ALG13: variants seen among roughly 807,000 people sequenced by gnomAD.
The protein encoded by ALG13 is UDP-N-acetylglucosamine transferase subunit ALG13.
A neutral mutation model predicts 87.8 loss-of-function variants in ALG13; 11 were observed. That is an observed-to-expected ratio of 0.13 (90% CI 0.08 to 0.21). The LOEUF is 0.21. ALG13 is among the 10% of genes least tolerant of loss of function. The pLI is 1.00. For missense variants in ALG13, 756 were observed against 866.1 expected, an observed-to-expected ratio of 0.87 and a Z score of 1.60; for synonymous variants, 320 against 306.3, an observed-to-expected ratio of 1.04 and a Z score of -0.47.
At chrX:111,708,726 GAA>G (rs1442801670) in intron 4 of ALG13, among the ~76,000 whole-genome samples, 1 of 111,480 alleles carries the variant, frequency 9.0e-6, no homozygotes, top group Non-Finnish European at 1.9e-5. Context: ...TAATGCCTAA[GAA>G]AAAAATTATA....
intron 3 of ALG13, among the ~76,000 whole-genome samples, chrX:111,704,057 C>CT (rs1442154441): frequency 8.1e-5 from 9 of 111,779 alleles, no homozygotes; most frequent in Non-Finnish European, 1.1e-4. Context: ...AGTTAGTATG[C>CT]AGTAGTATCT....
chrX:111,706,466 G>T (rs1464126375), intron 3 of ALG13, among the ~76,000 whole-genome samples: 1 of 112,680 alleles, frequency 8.9e-6, no homozygotes, highest in Non-Finnish European at 1.9e-5. Context: ...CTTTAAAAAA[G>T]AAATTAGTGG....
chrX:111,709,780 A>G (rs1939418234), intron 5 of ALG13, among the ~76,000 whole-genome samples: 1 of 109,048 alleles, frequency 9.2e-6, no homozygotes, highest in South Asian at 3.9e-4. Flanking sequence ...TTTACTCCTA[A>G]TTTTCTCAAC....
At chrX:111,681,615 C>T (rs1357753648) in intron 1 of ALG13, 1 of 936,231 alleles carries the variant, frequency 1.1e-6, no homozygotes, top group East Asian at 5.6e-5. Context: ...CTCCTTCCAA[C>T]GGCTCCGCCC....
At chrX:111,694,585 T>G (rs1936695892) in intron 3 of ALG13, among the ~76,000 whole-genome samples, 1 of 112,179 alleles carries the variant, frequency 8.9e-6, no homozygotes, top group African/African-American at 3.2e-5. Context: ...AGTAAGGCAA[T>G]ACAATATGGT....
At chrX:111,746,731 ATG>A (rs1252470465) in intron 24 of ALG13, among the ~76,000 whole-genome samples, 1 of 112,088 alleles carries the variant, frequency 8.9e-6, no homozygotes, top group Non-Finnish European at 1.9e-5. Flanking sequence ...ATAGAGAGAT[ATG>A]TGTTTACTTT....
chrX:111,733,985 C>T (rs1232355253), intron 21 of ALG13, among the ~76,000 whole-genome samples: 3 of 111,743 alleles, frequency 2.7e-5, no homozygotes, highest in African/African-American at 6.5e-5. Context: ...GTCCTTAGCT[C>T]ACTTTTTGAT....
At chrX:111,757,342 C>A (rs1945349113) in intron 25 of ALG13, 3 of 299,022 alleles carry the variant, frequency 1.0e-5, no homozygotes, top group South Asian at 1.3e-4. Flanking sequence ...GTATACAGGT[C>A]TTTTAGATTA....
chrX:111,688,283 G>T, intron 3 of ALG13: 1 of 749,074 alleles, frequency 1.3e-6, no homozygotes, highest in East Asian at 1.4e-4. Context: ...TCATAAAAAT[G>T]AATGAGATTT....
At chrX:111,748,017 A>G (rs889683612) in intron 24 of ALG13, among the ~76,000 whole-genome samples, 2 of 111,695 alleles carry the variant, frequency 1.8e-5, no homozygotes, top group Non-Finnish European at 3.8e-5. Context: ...ATGATATCTC[A>G]TTGTTTTAAT....
intron 3 of ALG13, among the ~76,000 whole-genome samples, chrX:111,702,324 C>T (rs984009430): frequency 9.0e-6 from 1 of 111,603 alleles, no homozygotes; most frequent in Non-Finnish European, 1.9e-5. Context: ...TCCTTCCTAT[C>T]CTCCTAATTT....
intron 23 of ALG13, chrX:111,743,914 A>C (rs1292777936): frequency 9.0e-6 from 1 of 111,494 alleles, no homozygotes; most frequent in Non-Finnish European, 1.9e-5. Context: ...TGTAAAAAAA[A>C]AAAATTAACA....
chrX:111,719,716 G>A (rs887880467), intron 10 of ALG13, among the ~76,000 whole-genome samples: 2 of 111,798 alleles, frequency 1.8e-5, no homozygotes, highest in Non-Finnish European at 3.8e-5. Context: ...ATAGGACTGA[G>A]AGCTTCAAGT....
At chrX:111,758,960 A>G (rs756622380) in intron 26 of ALG13, among the ~76,000 whole-genome samples, 1 of 110,827 alleles carries the variant, frequency 9.0e-6, no homozygotes, top group South Asian at 3.8e-4. Context: ...GTATACTATT[A>G]CCTGGTGCAT....
At position 111,685,091 on chromosome X, in the gene ALG13, A is replaced by G. The variant is rs145518377; in HGVS notation, c.371A>G (p.Tyr124Cys). The G allele has an allele frequency of 7.5e-5, 90 of 1,207,228 alleles. No individual in the cohort carries two copies. In the African/African-American group the frequency reaches 8.2e-4, roughly 11 times the overall value. ...KQLHKEGHLF[Y>C]CTCRVLTCPG... Reference sequence around the variant, plus strand: ...CTACACAAAGAGGGTCATCTCTTCTATTGTACCTGCAGGTATGCTAGAGAC... The same window carrying G: ...CTACACAAAGAGGGTCATCTCTTCTGTTGTACCTGCAGGTATGCTAGAGAC... Residue 124 changes from tyrosine (Y) to cysteine (C), a missense_variant, in exon 3 of 27, where the codon TAT (tyrosine) becomes TGT (cysteine). Tyr to Cys is a radical substitution (Grantham distance 194, BLOSUM62 -2). This residue lies in a region of ALG13 where 153 missense variants were observed against 168.7 expected (regional missense o/e 0.91). Coordinates refer to ENST00000394780, the MANE Select transcript of ALG13 (RefSeq NM_001099922.3).
intron 3 of ALG13, among the ~76,000 whole-genome samples, chrX:111,695,049 A>G (rs1386699696): frequency 2.7e-5 from 3 of 112,181 alleles, no homozygotes; most frequent in Non-Finnish European, 3.8e-5. Context: ...CAGATTTTTC[A>G]TTGAATTTCA....
chrX:111,687,673 G>A (rs561337176), intron 3 of ALG13, among the ~76,000 whole-genome samples: 4 of 112,146 alleles, frequency 3.6e-5, no homozygotes, highest in African/African-American at 1.3e-4. Context: ...AGGAGATAAG[G>A]TATCTGCTGA....
rs1426750933 is a variant in ALG13, at chrX:111,757,662, T to C, written c.3048T>C (p.Tyr1016=). The change falls in exon 26 of 27, where the codon TAT becomes TAC. Residue 1016 remains tyrosine (Y), a synonymous_variant. Coordinates refer to ENST00000394780, the MANE Select transcript of ALG13 (RefSeq NM_001099922.3). ...AGCAGCAGCTTCATGTAGAGAATTA[T>C]CCAGTCTATACTGAGCCACCTCTGG... The part of the protein sequence containing the change: ...QMQQQLHVEN[Y]PVYTEPPLVD... 3 of 1,206,485 alleles carry C rather than the reference T, an allele frequency of 2.5e-6. No homozygotes were observed. Among genetic ancestry groups the C allele is most frequent in the East Asian group, 3.0e-5 (1 of 33,683 alleles).
intron 8 of ALG13, among the ~76,000 whole-genome samples, chrX:111,717,382 T>G (rs1449336383): frequency 2.7e-5 from 3 of 111,213 alleles, no homozygotes; most frequent in African/African-American, 9.8e-5. Flanking sequence ...AATGGATAAC[T>G]TTCGAAATAA....
Sources: allele counts gnomAD v4.1 joint callset (sites outside exome capture counted in the v4.1 genomes callset), GRCh38; gene constraint gnomAD v4.1.1; regional missense constraint gnomAD v4.1.1; transcripts MANE v1.5; gene names NCBI Gene and HGNC (gene_info 2026-07-23, HGNC 2026-07-21).